The following HIPK4 variants were observed in gnomAD, a reference collection of about 807,000 sequenced individuals.
HIPK4 encodes homeodomain-interacting protein kinase 4.
Under a neutral mutation model 44.8 loss-of-function variants are expected in HIPK4, and 26 were observed. That is an observed-to-expected ratio of 0.58 (90% CI 0.43 to 0.80). The LOEUF (loss-of-function observed/expected upper bound fraction) is 0.80. Among genes scored for constraint, HIPK4 ranks in the 30% least tolerant of loss-of-function variants. The pLI, the probability that HIPK4 is intolerant of heterozygous loss-of-function variation, is 0.00. For synonymous variants in HIPK4, 340 were observed against 355.5 expected, an observed-to-expected ratio of 0.96 and a Z score of 0.49; for missense variants, 729 against 862.6, an observed-to-expected ratio of 0.85 and a Z score of 1.94.
intron 2 of HIPK4, among the ~76,000 whole-genome samples, chr19:40,382,275 TA>T (rs1180790290): frequency 1.3e-5 from 2 of 152,042 alleles, no homozygotes; most frequent in African/African-American, 2.4e-5. Context: ...GGCTAAATTT[TA>T]AAAAAAATTT....
intron 2 of HIPK4, among the ~76,000 whole-genome samples, chr19:40,382,096 G>C (rs1411669461): frequency 1.3e-5 from 2 of 151,942 alleles, no homozygotes; most frequent in Non-Finnish European, 2.9e-5. Flanking sequence ...GTGAGCCACT[G>C]TGCCTGGCCT....
chr19:40,380,814 A>G lies in HIPK4; in HGVS notation c.1177T>C (p.Tyr393His), dbSNP rs2079331261. Residue 393 changes from tyrosine (Y) to histidine (H), a missense_variant, in exon 3 of 4, where the codon TAC becomes CAC. By Grantham distance (83) the Tyr-to-His change is moderately conservative (BLOSUM62 2). Around this residue, in one of 2 missense-constraint regions of HIPK4, gnomAD observed 533 missense variants for 567.5 expected, o/e 0.94. Coordinates refer to ENST00000291823, the MANE Select transcript of HIPK4 (RefSeq NM_144685.5). This position sits in a 1 kb window ranked among gnomAD's most constrained non-coding sequence, Gnocchi z 4.2. ...VVAAEDGTPY[Y>H]CLAEEKEAAG... The stretch of plus-strand genomic sequence containing the variant: ...GCCTCCTTCTCCTCAGCCAGACAGT[A>G]GTAGGGGGTCCCATCTTCTGCGGCC... 1 of 1,612,810 alleles carries G rather than the reference A, an allele frequency of 6.2e-7. No individual in the cohort carries two copies. The highest frequency in any genetic ancestry group is 1.3e-5 in the African/African-American group (1 of 74,990).
Position 40,380,215 on chromosome 19 carries a change from G to A in HIPK4, c.1668+108C>T. The A allele has an allele frequency of 7.3e-7, 1 of 1,378,930 alleles. No individual in the cohort carries two copies. The highest frequency in any genetic ancestry group is 9.8e-7 in the Non-Finnish European group (1 of 1,018,408). 85.4% of individuals were successfully genotyped at this position (1,378,930 alleles called of 1,614,324 possible). A position where few individuals can be genotyped will look rare whatever the true frequency, so the allele number is the denominator to read the frequency against. ...AGTCCCTAATTGTATCCTGAACATG[G>A]GTGAGTGTGTGTTGAGCCTCCTCAC... is the stretch of plus-strand genomic sequence containing the variant. On this transcript the variant is annotated intron_variant, in intron 3 of 3. Coordinates refer to ENST00000291823, the MANE Select transcript of HIPK4 (RefSeq NM_144685.5). The surrounding 1 kb of genome is among the most constrained non-coding windows in gnomAD (Gnocchi z 4.2).
rs549775320 is a variant in HIPK4, at chr19:40,381,025, C to T, written c.966G>A (p.Glu322=). The change falls in exon 3 of 4, where the codon GAG becomes GAA. Residue 322 remains glutamate (E), a synonymous_variant. Coordinates refer to ENST00000291823, the MANE Select transcript of HIPK4 (RefSeq NM_144685.5). ...CCCAGGTCAGCATGCGCTTGATCAG[C>T]TCCACCATGCTCTTGAGGTCGGCGT... ...AEHADLKSMV[E]LIKRMLTWES... is the part of the protein sequence containing the mutation. The T allele has an allele frequency of 6.2e-7, 1 of 1,613,560 alleles. No homozygotes were observed. Among genetic ancestry groups the T allele is most frequent in the East Asian group, 2.2e-5 (1 of 44,874 alleles).
intron 1 of HIPK4, among the ~76,000 whole-genome samples, chr19:40,385,683 CTTTTTT>C (rs142414559): frequency 1.2e-4 from 8 of 67,020 alleles, no homozygotes; most frequent in South Asian, 4.7e-4. Flanking sequence ...CTTTTCTTTT[CTTTTTT>C]TTTTTTTTTT....
At chr19:40,381,784 C>CTTTTT (rs55780075) in intron 2 of HIPK4, among the ~76,000 whole-genome samples, 25 of 72,328 alleles carry the variant, frequency 3.5e-4, no homozygotes, top group South Asian at 5.1e-4. Context: ...CACTCAGATC[C>CTTTTT]TTTTTTTTTT....
rs927162275 is a variant in HIPK4, at chr19:40,388,178, C to T, written c.465+1260G>A. Among the ~76,000 whole-genome samples the T allele has an allele frequency of 4.6e-5, 7 of 152,046 alleles. No individual in the cohort carries two copies. The East Asian group carries it at 7.8e-4, about 17-fold the overall frequency. On this transcript the variant is annotated intron_variant, in intron 1 of 3. Coordinates refer to ENST00000291823, the MANE Select transcript of HIPK4 (RefSeq NM_144685.5). ...GATTACAGGTGCCCGCCACCACACC[C>T]GGCTAATTTTTATACTTTTAGCAGA...
At chr19:40,381,221 C>T (rs2079335414) in intron 2 of HIPK4, 53 bp from the exon 3 acceptor site, 1 of 1,413,658 alleles carries the variant, frequency 7.1e-7, no homozygotes, top group African/African-American at 1.4e-5. Flanking sequence ...GGGCTAGGGC[C>T]CTGGGCACTC....
chr19:40,382,655 A>T (rs2079342613), intron 2 of HIPK4, among the ~76,000 whole-genome samples: 1 of 151,928 alleles, frequency 6.6e-6, no homozygotes, highest in Admixed American at 6.6e-5. Flanking sequence ...ATTTGATCTC[A>T]TGCAGCTCTT....
intron 2 of HIPK4, among the ~76,000 whole-genome samples, chr19:40,382,278 A>C (rs2079340865): frequency 3.3e-5 from 5 of 152,098 alleles, no homozygotes. Flanking sequence ...TAAATTTTAA[A>C]AAAAATTTTT....
intron 1 of HIPK4, among the ~76,000 whole-genome samples, chr19:40,386,336 C>A (rs768229367): frequency 6.6e-6 from 1 of 152,142 alleles, no homozygotes; most frequent in Non-Finnish European, 1.5e-5. Flanking sequence ...GGATTACAGG[C>A]GTGAGCCACG....
At chr19:40,384,221 T>A in intron 1 of HIPK4, 82 bp from the exon 2 acceptor site, 1 of 1,060,562 alleles carries the variant, frequency 9.4e-7, no homozygotes, top group Non-Finnish European at 1.4e-6. Context: ...ATCTTTCACC[T>A]GGCATCTTCC....
chr19:40,379,609 T>C lies in HIPK4; in HGVS notation c.1829A>G (p.Gln610Arg). 6.5e-7 allele frequency: 1 copy of C among 1,540,630 alleles called. No homozygotes were observed. The highest frequency in any genetic ancestry group is 2.5e-5 in the East Asian group (1 of 40,046). Residue 610 changes from glutamine to arginine, a missense_variant, in exon 4 of 4, where the codon CAG becomes CGG. Gln to Arg is a conservative substitution (Grantham distance 43). Coordinates refer to ENST00000291823, the MANE Select transcript of HIPK4 (RefSeq NM_144685.5). ...CCATCAGTGGTGCCCGGTGACATGC[T>C]GGAGGAAGCTGGTGGCCCCCCGGGG... ...GPPRGATSFL[Q>R]HVTGHH
chr19:40,389,877 T>G lies in HIPK4; in HGVS notation c.26A>C (p.Asp9Ala), dbSNP rs2079380717. 1.2e-6 allele frequency: 2 copies of G among 1,610,160 alleles called. No homozygotes were observed. The highest frequency in any genetic ancestry group is 1.3e-5 in the African/African-American group (1 of 74,946). Residue 9 changes from aspartate (D) to alanine (A), a missense_variant, in exon 1 of 4, where the codon GAC becomes GCC. Coordinates refer to ENST00000291823, the MANE Select transcript of HIPK4 (RefSeq NM_144685.5). This position sits in a 1 kb window ranked among gnomAD's most constrained non-coding sequence, Gnocchi z 4.6. MSTIQSET[D>A]CYDIIEVLGK... is the part of the protein sequence containing the mutation. ...CAAGACCTCGATGATGTCGTAGCAGTCAGTCTCCGACTGGATGGTGGACAT... is the reference window on the plus strand; with the variant it reads ...CAAGACCTCGATGATGTCGTAGCAGGCAGTCTCCGACTGGATGGTGGACAT...
chr19:40,385,721 T>C (rs2079360442), intron 1 of HIPK4, among the ~76,000 whole-genome samples: 1 of 145,116 alleles, frequency 6.9e-6, no homozygotes, highest in Non-Finnish European at 1.5e-5. Context: ...AGTCGGAGGT[T>C]TTTGAGACAG....
Position 40,381,143 on chromosome 19 carries a change from T to C in HIPK4, c.848A>G (p.Tyr283Cys), listed in dbSNP as rs1422952263. Residue 283 changes from tyrosine (Y) to cysteine (C), a missense_variant, in exon 3 of 4, where the codon TAT (tyrosine) becomes TGT (cysteine). Transcript: ENST00000291823. ...AATCTGGTCCAACGACTTGAGCATA[T>C]ACTTGCGGCGCTCCAATGGGCGCAC... is the stretch of plus-strand genomic sequence containing the variant. ...TKVRPLERRK[Y>C]MLKSLDQIET... The C allele has an allele frequency of 1.2e-6, 2 of 1,601,052 alleles. No individual in the cohort carries two copies. The highest frequency in any genetic ancestry group is 1.7e-6 in the Non-Finnish European group (2 of 1,177,790).
chr19:40,387,659 A>C (rs2079369273), intron 1 of HIPK4, among the ~76,000 whole-genome samples: 1 of 151,766 alleles, frequency 6.6e-6, no homozygotes, highest in African/African-American at 2.4e-5. Flanking sequence ...TTGTATTTTT[A>C]ATAGAGACAG....
chr19:40,379,862 T>A, intron 3 of HIPK4, 93 bp from the exon 4 acceptor site: 1 of 1,311,704 alleles, frequency 7.6e-7, no homozygotes, highest in Non-Finnish European at 1.0e-6. Flanking sequence ...AGGGTGAGCA[T>A]GTGCTAGGGT....
Position 40,379,625 on chromosome 19 carries a change from C to A in HIPK4, c.1813G>T (p.Ala605Ser). 1 of 1,546,844 alleles carries A rather than the reference C, an allele frequency of 6.5e-7. No individual in the cohort carries two copies. Among genetic ancestry groups the A allele is most frequent in the Non-Finnish European group, 8.7e-7 (1 of 1,147,716 alleles). ...GTGACATGCTGGAGGAAGCTGGTGG[C>A]CCCCCGGGGTGGACCATGCTGGTGG... ...RSHQHGPPRG[A>S]TSFLQHVTGH... The change falls in exon 4 of 4, where the codon GCC becomes TCC. Residue 605 changes from alanine to serine, a missense_variant. This residue lies in a region of HIPK4 where 533 missense variants were observed against 567.5 expected (regional missense o/e 0.94). Transcript: ENST00000291823.
Sources: gnomAD v4.1 joint callset for allele counts (sites outside exome capture counted in the v4.1 genomes callset) on GRCh38, gnomAD v4.1.1 for gene constraint, gnomAD v4.1.1 regional missense constraint, Gnocchi (gnomAD v3.1) non-coding constraint, MANE v1.5 for transcripts, NCBI Gene and HGNC (gene_info 2026-07-23, HGNC 2026-07-21) for gene names.